ADGRD1: variants seen among roughly 807,000 people sequenced by gnomAD.
The protein encoded by ADGRD1 is G-protein coupled receptor 133.
Under a neutral mutation model 113.4 loss-of-function variants are expected in ADGRD1, and 77 were observed. The observed-to-expected ratio is 0.68, with a 90% CI of 0.57 to 0.82. The LOEUF (loss-of-function observed/expected upper bound fraction) is 0.82, where lower values mean the gene tolerates loss of function less well. Among genes scored for constraint, ADGRD1 ranks in the 40% least tolerant of loss-of-function variants. The pLI is 0.00. For missense variants in ADGRD1, 1,036 were observed against 1,139.1 expected (o/e 0.91, Z 1.30); for synonymous variants, 474 against 475.0 (o/e 1.00, Z 0.03).
chr12:131,049,148 C>T (rs1249923737), intron 13 of ADGRD1, among the ~76,000 whole-genome samples: 1 of 152,234 alleles, frequency 6.6e-6, no homozygotes, highest in Non-Finnish European at 1.5e-5. Flanking sequence ...TGTGGATTAG[C>T]TGTGTGACTG....
Position 131,073,312 on chromosome 12 carries a change from T to C in ADGRD1, c.1474-3489T>C, listed in dbSNP as rs547096025. On this transcript the variant is annotated intron_variant, in intron 13 of 24. Coordinates refer to ENST00000261654, the MANE Select transcript of ADGRD1 (RefSeq NM_198827.5). Reference sequence around the variant, plus strand: ...CTTGTCGTATCTCTCCCATTACTTCTGTTATCCTTGATTTCCCTAAAGGTG... The same window carrying C: ...CTTGTCGTATCTCTCCCATTACTTCCGTTATCCTTGATTTCCCTAAAGGTG... 2.0e-5 allele frequency among the ~76,000 whole-genome samples: 3 copies of C among 152,350 alleles called. No homozygotes were observed. The South Asian group carries it at 6.2e-4, about 32-fold the overall frequency.
chr12:131,125,979 G>T (rs1327510875), intron 20 of ADGRD1, among the ~76,000 whole-genome samples: 1 of 152,208 alleles, frequency 6.6e-6, no homozygotes, highest in Non-Finnish European at 1.5e-5. Flanking sequence ...CCACTGAAAA[G>T]GTGAAAAATT....
intron 13 of ADGRD1, among the ~76,000 whole-genome samples, chr12:131,044,901 C>G (rs777917017): frequency 3.9e-5 from 6 of 152,276 alleles, no homozygotes; most frequent in Non-Finnish European, 8.8e-5. Context: ...CACCGCGTGG[C>G]TGCGCCGCGG....
At chr12:131,092,966 G>T (rs1887014968) in intron 15 of ADGRD1, among the ~76,000 whole-genome samples, 1 of 151,732 alleles carries the variant, frequency 6.6e-6, no homozygotes, top group South Asian at 2.1e-4. Context: ...GATGCTGGAG[G>T]CGAGTGGCTA....
chr12:131,006,887 C>T (rs1245298394), intron 12 of ADGRD1, among the ~76,000 whole-genome samples: 1 of 152,162 alleles, frequency 6.6e-6, no homozygotes, highest in Non-Finnish European at 1.5e-5. Flanking sequence ...CAAAATTCTT[C>T]AGGAAAATGG....
At chr12:131,051,645 GGC>G (rs1190080794) in intron 13 of ADGRD1, among the ~76,000 whole-genome samples, 1 of 152,042 alleles carries the variant, frequency 6.6e-6, no homozygotes, top group African/African-American at 2.4e-5. Context: ...CACCACGCCA[GGC>G]GAATTTTTTT....
At chr12:131,090,153 G>A (rs568699986) in intron 15 of ADGRD1, among the ~76,000 whole-genome samples, 2 of 152,156 alleles carry the variant, frequency 1.3e-5, no homozygotes, top group African/African-American at 4.8e-5. Context: ...GGGTGTCTTC[G>A]TGGGAGCAAA....
At chr12:131,087,989 C>A (rs940241802) in intron 15 of ADGRD1, among the ~76,000 whole-genome samples, 1 of 152,242 alleles carries the variant, frequency 6.6e-6, no homozygotes, top group African/African-American at 2.4e-5. Flanking sequence ...CGCCTTCTCT[C>A]TCCTCCCACG....
Position 131,060,722 on chromosome 12 carries a change from A to T in ADGRD1, c.1474-16079A>T, listed in dbSNP as rs1475238601. ...CTGTGTCTTCCATCTTCCCTCACGTATCAGTAGCTACCCCTGGATTCTTTT... is the reference window on the plus strand; with the variant it reads ...CTGTGTCTTCCATCTTCCCTCACGTTTCAGTAGCTACCCCTGGATTCTTTT... On this transcript the variant is annotated intron_variant, in intron 13 of 24. Transcript: ENST00000261654. This position sits in a 1 kb window ranked among gnomAD's most constrained non-coding sequence, Gnocchi z 4.4. 6.6e-6 allele frequency among the ~76,000 whole-genome samples: 1 copy of T among 152,180 alleles called. No homozygotes were observed. Among genetic ancestry groups the T allele is most frequent in the East Asian group, 1.9e-4 (1 of 5,192 alleles).
At chr12:131,030,439 A>G (rs920883545) in intron 13 of ADGRD1, 1 of 152,706 alleles carries the variant, frequency 6.5e-6, no homozygotes, top group African/African-American at 2.4e-5. Context: ...CTCAGAATGC[A>G]TCCCCAACGT....
rs771389935 is a variant in ADGRD1, at chr12:130,987,110, A to G, written c.506A>G (p.His169Arg). The G allele has an allele frequency of 3.1e-6, 5 of 1,613,740 alleles. No individual in the cohort carries two copies. Among genetic ancestry groups the G allele is most frequent in the Non-Finnish European group, 4.2e-6 (5 of 1,179,746 alleles). The change falls in exon 6 of 25, where the codon CAT becomes CGT. Residue 169 changes from histidine to arginine, a missense_variant. Coordinates refer to ENST00000261654, the MANE Select transcript of ADGRD1 (RefSeq NM_198827.5). Reference protein sequence around the residue: ...SFSPPGPYWTHVLFTWKSKEG... With the variant: ...SFSPPGPYWTRVLFTWKSKEG... ...TCTTTTCCAGGCCCCTATTGGACTCATGTCCTATTTACATGGAAATCCAAG... is the reference window on the plus strand; with the variant it reads ...TCTTTTCCAGGCCCCTATTGGACTCGTGTCCTATTTACATGGAAATCCAAG...
At chr12:131,039,323 C>T (rs1881876662) in intron 13 of ADGRD1, among the ~76,000 whole-genome samples, 1 of 152,268 alleles carries the variant, frequency 6.6e-6, no homozygotes. Context: ...CCACCAGGAC[C>T]CTCACGGGGT....
intron 13 of ADGRD1, among the ~76,000 whole-genome samples, chr12:131,062,185 C>T (rs542888015): frequency 2.6e-5 from 4 of 152,178 alleles, no homozygotes; most frequent in African/African-American, 9.6e-5. Flanking sequence ...TTGGTAGAGA[C>T]GGGGTTTCAC....
intron 13 of ADGRD1, among the ~76,000 whole-genome samples, chr12:131,055,626 G>A (rs1883798540): frequency 6.6e-6 from 1 of 152,160 alleles, no homozygotes; most frequent in African/African-American, 2.4e-5. Flanking sequence ...GTTCTTGTGC[G>A]TTTGTGTGCT....
rs777694390 is a variant in ADGRD1 at position 131,138,174 on chromosome 12, C to A, written c.2474C>A (p.Ser825Ter). Residue 825 changes from serine (S) to a stop codon, truncating the protein, a stop_gained, in exon 24 of 25, where the codon TCG becomes TAG. Transcript: ENST00000261654. LOFTEE classifies it high-confidence loss of function. ...AAFKHKTKVW[S>*]LTSSSARTSN... ...TTCAAGCACAAAACCAAGGTCTGGTCGCTCACGAGCAGCTCTGCCCGCACC... is the reference window on the plus strand; with the variant it reads ...TTCAAGCACAAAACCAAGGTCTGGTAGCTCACGAGCAGCTCTGCCCGCACC... 2.5e-6 allele frequency: 4 copies of A among 1,613,668 alleles called. No individual in the cohort carries two copies. The highest frequency in any genetic ancestry group is 1.1e-5 in the South Asian group (1 of 91,060).
chr12:131,045,233 G>A (rs1882565527), intron 13 of ADGRD1, among the ~76,000 whole-genome samples: 1 of 152,236 alleles, frequency 6.6e-6, no homozygotes, highest in African/African-American at 2.4e-5. Flanking sequence ...AGGACCTGTG[G>A]GTCTCCAGGT....
intron 15 of ADGRD1, among the ~76,000 whole-genome samples, chr12:131,085,163 G>C (rs1326674696): frequency 6.6e-6 from 1 of 152,266 alleles, no homozygotes; most frequent in African/African-American, 2.4e-5. Flanking sequence ...GAACAGCCCA[G>C]TAGAAGATGA....
chr12:131,081,055 C>T (rs543544241), intron 14 of ADGRD1, among the ~76,000 whole-genome samples: 3 of 152,238 alleles, frequency 2.0e-5, no homozygotes, highest in South Asian at 2.1e-4. Context: ...GGGAAATATG[C>T]GTTACTTTGA....
chr12:131,075,316 A>G lies in ADGRD1; in HGVS notation c.1474-1485A>G, dbSNP rs923939004. Among the ~76,000 whole-genome samples the G allele has an allele frequency of 6.7e-6, 1 of 148,582 alleles. No individual in the cohort carries two copies. Among genetic ancestry groups the G allele is most frequent in the African/African-American group, 2.5e-5 (1 of 39,914 alleles). The stretch of plus-strand genomic sequence containing the variant: ...CACCAGGTTTTTGTTCATCTTTTCT[A>G]TTATGTGAGGTTGGTGCTGCAGTTT... On this transcript the variant is annotated intron_variant, in intron 13 of 24. Coordinates refer to ENST00000261654, the MANE Select transcript of ADGRD1 (RefSeq NM_198827.5). The surrounding 1 kb of genome is among the most constrained non-coding windows in gnomAD (Gnocchi z 5.3).
Sources: gnomAD v4.1 joint callset for allele counts (sites outside exome capture counted in the v4.1 genomes callset) on GRCh38, gnomAD v4.1.1 for gene constraint, Gnocchi (gnomAD v3.1) non-coding constraint, MANE v1.5 for transcripts, NCBI Gene and HGNC (gene_info 2026-07-23, HGNC 2026-07-21) for gene names.